Variants in NEFL observed in about 807,000 individuals in gnomAD.
NEFL encodes the protein neurofilament light polypeptide.
A neutral mutation model predicts 51.6 loss-of-function variants in NEFL; 36 were observed. That is an observed-to-expected ratio of 0.70 (90% confidence interval 0.53 to 0.92). The LOEUF (loss-of-function observed/expected upper bound fraction) is 0.92, where lower values mean the gene tolerates loss of function less well. Ranked by LOEUF, NEFL falls within the 40% of genes least tolerant of loss-of-function variation. NEFL has a pLI of 0.00. For synonymous variants in NEFL, 332 were observed against 302.5 expected, an observed-to-expected ratio of 1.10 and a Z score of -1.01; for missense variants, 671 against 722.0, an observed-to-expected ratio of 0.93 and a Z score of 0.81.
At position 24,956,127 on chromosome 8, in the gene NEFL, G is replaced by T; in HGVS notation, c.389C>A (p.Ser130Tyr). 1.2e-6 allele frequency: 2 copies of T among 1,608,834 alleles called. No homozygotes were observed. The highest frequency in any genetic ancestry group is 1.7e-5 in the Admixed American group (1 of 59,714). Residue 130 changes from serine (S) to tyrosine (Y), a missense_variant, in exon 1 of 4, where the codon TCC (serine) becomes TAC (tyrosine). Ser to Tyr is a moderately radical substitution (Grantham distance 144). Coordinates refer to ENST00000610854, the MANE Select transcript of NEFL (RefSeq NM_006158.5). The surrounding 1 kb of genome is among the most constrained non-coding windows in gnomAD (Gnocchi z 5.9). The stretch of plus-strand genomic sequence containing the variant: ...CAGCGCCCGGAAGCGGGATGGCTCG[G>T]AGTGCTTCTGGCGCAGCACCAGCAG... ...AELLVLRQKH[S>Y]EPSRFRALYE...
At position 24,951,517 on chromosome 8, in the gene NEFL, T is replaced by C. The variant is rs573350915; in HGVS notation, c.*1293A>G. On this transcript the variant is annotated 3_prime_UTR_variant, in exon 4 of 4. Transcript: ENST00000610854. ...TACATGGGGCGTGTATTTGATGCAA[T>C]GTCCAACCAGTCAAGCTATCATTGA... 67 of 152,336 alleles carry C rather than the reference T, an allele frequency of 4.4e-4. 1 individual carries two copies. Among genetic ancestry groups the C allele is most frequent in the African/African-American group, 1.6e-3 (65 of 41,562 alleles). The allele number at this position is 152,336 out of a possible 1,614,324, so 9.4% of individuals were successfully genotyped here. A position where few individuals can be genotyped will look rare whatever the true frequency, so the allele number is the denominator to read the frequency against.
chr8:24,955,872 C>A lies in NEFL; in HGVS notation c.644G>T (p.Ser215Ile). The change falls in exon 1 of 4, where the codon AGC becomes ATC. Residue 215 changes from serine (S) to isoleucine (I), a missense_variant. Coordinates refer to ENST00000610854, the MANE Select transcript of NEFL (RefSeq NM_006158.5). This position sits in a 1 kb window ranked among gnomAD's most constrained non-coding sequence, Gnocchi z 4.0. The stretch of plus-strand genomic sequence containing the variant: ...CAGAAAAGAGATTTCGTCCATCAAG[C>A]TGTCGATGCGCTTCTCGAGCTCGGC... ...ARAELEKRID[S>I]LMDEISFLKK... The A allele has an allele frequency of 6.2e-7, 1 of 1,608,388 alleles. No homozygotes were observed. Among genetic ancestry groups the A allele is most frequent in the Non-Finnish European group, 8.5e-7 (1 of 1,179,866 alleles).
chr8:24,956,029 C>T lies in NEFL; in HGVS notation c.487G>A (p.Glu163Lys), dbSNP rs876661155. 4 of 1,603,914 alleles carry T rather than the reference C, an allele frequency of 2.5e-6. No homozygotes were observed. The highest frequency in any genetic ancestry group is 1.3e-5 in the African/African-American group (1 of 74,848). The part of the protein sequence containing the change: ...ATNEKQALQG[E>K]REGLEETLRN... ...AGGGTCTCCTCCAGCCCTTCGCGCT[C>T]GCCCTGGAGCGCCTGCTTCTCGTTG... The change falls in exon 1 of 4, where the codon GAG becomes AAG. Residue 163 changes from glutamate to lysine, a missense_variant. Glu to Lys is a moderately conservative substitution (Grantham distance 56). Transcript: ENST00000610854. The surrounding 1 kb of genome is among the most constrained non-coding windows in gnomAD (Gnocchi z 5.9).
rs922605864 is a variant in NEFL at position 24,956,329 on chromosome 8, A to C, written c.187T>G (p.Ser63Ala). 1 of 1,610,284 alleles carries C rather than the reference A, an allele frequency of 6.2e-7. No homozygotes were observed. The highest frequency in any genetic ancestry group is 8.5e-7 in the Non-Finnish European group (1 of 1,178,472). ...AGGTTCTCCAGACTGGGCATCAACG[A>C]TCCAGAGCTGGAGGAGTAGCTGCGG... ...VRRSYSSSSG[S>A]LMPSLENLDL... Residue 63 changes from serine to alanine, a missense_variant, in exon 1 of 4, where the codon TCG becomes GCG. Ser to Ala is a moderately conservative substitution (Grantham distance 99). Coordinates refer to ENST00000610854, the MANE Select transcript of NEFL (RefSeq NM_006158.5). This position sits in a 1 kb window ranked among gnomAD's most constrained non-coding sequence, Gnocchi z 5.9.
In NEFL at chr8:24,955,180, G is replaced by A. The variant is rs1210711337; in HGVS notation, c.1044+292C>T. On this transcript the variant is annotated intron_variant, in intron 1 of 3. Coordinates refer to ENST00000610854, the MANE Select transcript of NEFL (RefSeq NM_006158.5). The surrounding 1 kb of genome is among the most constrained non-coding windows in gnomAD (Gnocchi z 4.0). Reference sequence around the variant, plus strand: ...TCAGTAGAGAGCTGATCTCACTGCAGGCCGGAGGCAACGCCCAATTCCCAC... The same window carrying A: ...TCAGTAGAGAGCTGATCTCACTGCAAGCCGGAGGCAACGCCCAATTCCCAC... 2.0e-6 allele frequency: 1 copy of A among 504,790 alleles called. No individual in the cohort carries two copies. Among genetic ancestry groups the A allele is most frequent in the East Asian group, 3.3e-5 (1 of 30,136 alleles). The allele number at this position is 504,790 out of a possible 1,614,324, so 31.3% of individuals were successfully genotyped here. A position where few individuals can be genotyped will look rare whatever the true frequency, so the allele number is the denominator to read the frequency against.
chr8:24,953,996 A>C, intron 2 of NEFL, 185 bp downstream of exon 2: 1 of 1,157,280 alleles, frequency 8.6e-7, no homozygotes, highest in Non-Finnish European at 1.2e-6. Context: ...TAAAAACAGG[A>C]CTCCTAATTA....
chr8:24,956,273 G>T lies in NEFL; in HGVS notation c.243C>A (p.Asn81Lys), dbSNP rs761847300. The change falls in exon 1 of 4, where the codon AAC (asparagine) becomes AAA (lysine). Residue 81 changes from asparagine to lysine, a missense_variant. Coordinates refer to ENST00000610854, the MANE Select transcript of NEFL (RefSeq NM_006158.5). This position sits in a 1 kb window ranked among gnomAD's most constrained non-coding sequence, Gnocchi z 5.9. ...CCTGCGTGCGGATGGACTTGAGGTC[G>T]TTGCTGATGGCGGCTACCTGGCTCA... is the stretch of plus-strand genomic sequence containing the variant. ...LDLSQVAAIS[N>K]DLKSIRTQEK... 1.2e-6 allele frequency: 2 copies of T among 1,611,866 alleles called. No individual in the cohort carries two copies. The highest frequency in any genetic ancestry group is 8.5e-7 in the Non-Finnish European group (1 of 1,179,152).
At position 24,952,301 on chromosome 8, in the gene NEFL, T is replaced by C. The variant is rs911970527; in HGVS notation, c.*509A>G. On this transcript the variant is annotated 3_prime_UTR_variant, in exon 4 of 4. Transcript: ENST00000610854. ...AACTTTTTAAAAAATTGGAGGTCAA[T>C]AGTCCACTGGTATATACTTTATATT... 6.5e-6 allele frequency: 1 copy of C among 152,782 alleles called. No individual in the cohort carries two copies. Among genetic ancestry groups the C allele is most frequent in the African/African-American group, 2.4e-5 (1 of 41,468 alleles). 9.5% of individuals were successfully genotyped at this position (152,782 alleles called of 1,614,324 possible).
In NEFL at chr8:24,956,018, C is replaced by T. The variant is rs751333871; in HGVS notation, c.498G>A (p.Gly166=). ...GCAGGTTGCGCAGGGTCTCCTCCAG[C>T]CCTTCGCGCTCGCCCTGGAGCGCCT... ...EKQALQGERE[G]LEETLRNLQA... The change falls in exon 1 of 4, where the codon GGG becomes GGA. Residue 166 remains glycine, a synonymous_variant. Coordinates refer to ENST00000610854, the MANE Select transcript of NEFL (RefSeq NM_006158.5). The surrounding 1 kb of genome is among the most constrained non-coding windows in gnomAD (Gnocchi z 5.9). 6.2e-7 allele frequency: 1 copy of T among 1,604,908 alleles called. No individual in the cohort carries two copies. Among genetic ancestry groups the T allele is most frequent in the South Asian group, 1.1e-5 (1 of 90,818 alleles).
Position 24,956,099 on chromosome 8 carries a change from G to T in NEFL, c.417C>A (p.Tyr139Ter), listed in dbSNP as rs545637885. The stretch of plus-strand genomic sequence containing the variant: ...GGCGCAGGTCGCGGATCTCCTGCTC[G>T]TACAGCGCCCGGAAGCGGGATGGCT... ...HSEPSRFRAL[Y>*]EQEIRDLRLA... Residue 139 changes from tyrosine to a stop codon, truncating the protein, a stop_gained, in exon 1 of 4, where the codon TAC becomes TAA. Transcript: ENST00000610854. LOFTEE classifies it high-confidence loss of function. The surrounding 1 kb of genome is among the most constrained non-coding windows in gnomAD (Gnocchi z 5.9). The T allele has an allele frequency of 1.2e-6, 2 of 1,606,426 alleles. No homozygotes were observed. The highest frequency in any genetic ancestry group is 1.7e-6 in the Non-Finnish European group (2 of 1,178,736).
rs1803042195 is a variant in NEFL at position 24,955,838 on chromosome 8, C to A, written c.678G>T (p.Val226=). The change falls in exon 1 of 4, where the codon GTG becomes GTT. Residue 226 remains valine (V), a synonymous_variant. Coordinates refer to ENST00000610854, the MANE Select transcript of NEFL (RefSeq NM_006158.5). This position sits in a 1 kb window ranked among gnomAD's most constrained non-coding sequence, Gnocchi z 4.0. ...GCAGTTCGGCGATCTCCTCTTCGTG[C>A]ACTTTCTTCAGAAAAGAGATTTCGT... ...LMDEISFLKK[V]HEEEIAELQA... is the part of the protein sequence containing the mutation. 3.7e-6 allele frequency: 6 copies of A among 1,610,926 alleles called. No homozygotes were observed. Among genetic ancestry groups the A allele is most frequent in the Non-Finnish European group, 4.2e-6 (5 of 1,179,862 alleles).
At chr8:24,954,102 T>G in intron 2 of NEFL, 79 bp downstream of exon 2, 1 of 1,580,742 alleles carries the variant, frequency 6.3e-7, no homozygotes, top group Non-Finnish European at 8.6e-7. Flanking sequence ...TGAAGGTTTC[T>G]GATCCAACAT....
chr8:24,956,156 G>C lies in NEFL; in HGVS notation c.360C>G (p.Ala120=). 6.2e-7 allele frequency: 1 copy of C among 1,609,850 alleles called. No homozygotes were observed. The highest frequency in any genetic ancestry group is 8.5e-7 in the Non-Finnish European group (1 of 1,178,692). Residue 120 remains alanine, a synonymous_variant, in exon 1 of 4, where the codon GCC becomes GCG. Transcript: ENST00000610854. This position sits in a 1 kb window ranked among gnomAD's most constrained non-coding sequence, Gnocchi z 5.9. ...ELEQQNKVLE[A]ELLVLRQKHS... ...GCTTCTGGCGCAGCACCAGCAGCTC[G>C]GCTTCCAGGACCTTGTTCTGCTGCT...
Position 24,953,769 on chromosome 8 carries a change from C to T in NEFL, c.1196G>A (p.Arg399Gln), listed in dbSNP as rs372997416. ...GCTTCCCACGCTGGTGAAACTGAGT[C>T]GGGTCTCCTCGCCTTCCAAGAGTTT... ...YRKLLEGEETRLSFTSVGSIT... is the reference protein window; with the variant it reads ...YRKLLEGEETQLSFTSVGSIT... The change falls in exon 3 of 4, where the codon CGA (arginine) becomes CAA (glutamine). Residue 399 changes from arginine to glutamine, a missense_variant. Transcript: ENST00000610854. 15 of 1,612,468 alleles carry T rather than the reference C, an allele frequency of 9.3e-6. No homozygotes were observed. The highest frequency in any genetic ancestry group is 6.7e-5 in the Admixed American group (4 of 59,944).
At position 24,955,987 on chromosome 8, in the gene NEFL, G is replaced by A. The variant is rs1224508886; in HGVS notation, c.529C>T (p.Arg177Cys). Residue 177 changes from arginine (R) to cysteine (C), a missense_variant, in exon 1 of 4, where the codon CGC becomes TGC. Transcript: ENST00000610854. This position sits in a 1 kb window ranked among gnomAD's most constrained non-coding sequence, Gnocchi z 4.0. Reference protein sequence around the residue: ...LEETLRNLQARYEEEVLSRED... With the variant: ...LEETLRNLQACYEEEVLSRED... The stretch of plus-strand genomic sequence containing the variant: ...CGGCTCAGCACCTCCTCTTCATAGC[G>A]CGCCTGCAGGTTGCGCAGGGTCTCC... The A allele has an allele frequency of 5.0e-6, 8 of 1,603,354 alleles. No homozygotes were observed. Among genetic ancestry groups the A allele is most frequent in the Non-Finnish European group, 5.9e-6 (7 of 1,179,040 alleles).
rs4644268 is a variant in NEFL, at chr8:24,951,612, C to A, written c.*1198G>T. 496 of 152,586 alleles carry A rather than the reference C, an allele frequency of 3.3e-3. 2 individuals carry two copies. The highest frequency in any genetic ancestry group is 0.011 in the African/African-American group (462 of 41,506). 9.5% of individuals were successfully genotyped at this position (152,586 alleles called of 1,614,324 possible). A position where few individuals can be genotyped will look rare whatever the true frequency, so the allele number is the denominator to read the frequency against. ...TAACATACAAGCATATTACCTCCCCCCTTAAGTGACTCATAATTTCATTAC... is the reference window on the plus strand; with the variant it reads ...TAACATACAAGCATATTACCTCCCCACTTAAGTGACTCATAATTTCATTAC... On this transcript the variant is annotated 3_prime_UTR_variant, in exon 4 of 4. Transcript: ENST00000610854.
Position 24,952,866 on chromosome 8 carries a change from C to G in NEFL, c.1576G>C (p.Glu526Gln), listed in dbSNP as rs546077415. Residue 526 changes from glutamate (E) to glutamine (Q), a missense_variant, in exon 4 of 4, where the codon GAG (glutamate) becomes CAG (glutamine). Transcript: ENST00000610854. ...EGEETKEAEE[E>Q]EKKVEGAGEE... ...CCAGCACCTTCAACTTTCTTCTCCTCCTCTTCAGCTTCTTTGGTTTCCTCT... is the reference window on the plus strand; with the variant it reads ...CCAGCACCTTCAACTTTCTTCTCCTGCTCTTCAGCTTCTTTGGTTTCCTCT... The G allele has an allele frequency of 2.5e-6, 4 of 1,610,466 alleles. No individual in the cohort carries two copies. The highest frequency in any genetic ancestry group is 3.4e-6 in the Non-Finnish European group (4 of 1,176,814).
In NEFL at chr8:24,953,772, G is replaced by T. The variant is rs1586126731; in HGVS notation, c.1193C>A (p.Thr398Asn). The T allele has an allele frequency of 1.2e-6, 2 of 1,612,552 alleles. No individual in the cohort carries two copies. Among genetic ancestry groups the T allele is most frequent in the Non-Finnish European group, 1.7e-6 (2 of 1,178,928 alleles). Reference protein sequence around the residue: ...AYRKLLEGEETRLSFTSVGSI... With the variant: ...AYRKLLEGEENRLSFTSVGSI... ...TCCCACGCTGGTGAAACTGAGTCGG[G>T]TCTCCTCGCCTTCCAAGAGTTTCCT... The change falls in exon 3 of 4, where the codon ACC (threonine) becomes AAC (asparagine). Residue 398 changes from threonine (T) to asparagine (N), a missense_variant. Coordinates refer to ENST00000610854, the MANE Select transcript of NEFL (RefSeq NM_006158.5).
chr8:24,956,022 T>G lies in NEFL; in HGVS notation c.494A>C (p.Glu165Ala), dbSNP rs767767512. ...GTTGCGCAGGGTCTCCTCCAGCCCT[T>G]CGCGCTCGCCCTGGAGCGCCTGCTT... Reference protein sequence around the residue: ...NEKQALQGEREGLEETLRNLQ... With the variant: ...NEKQALQGERAGLEETLRNLQ... Residue 165 changes from glutamate (E) to alanine (A), a missense_variant, in exon 1 of 4, where the codon GAA becomes GCA. By Grantham distance (107) the Glu-to-Ala change is moderately radical (BLOSUM62 -1). Coordinates refer to ENST00000610854, the MANE Select transcript of NEFL (RefSeq NM_006158.5). This position sits in a 1 kb window ranked among gnomAD's most constrained non-coding sequence, Gnocchi z 5.9. 6.9e-6 allele frequency: 11 copies of G among 1,604,742 alleles called. No homozygotes were observed. In the Admixed American group the frequency reaches 1.8e-4, roughly 27 times the overall value.
Sources: gnomAD v4.1 joint callset for allele counts on GRCh38, gnomAD v4.1.1 for gene constraint, Gnocchi (gnomAD v3.1) non-coding constraint, MANE v1.5 for transcripts, NCBI Gene and HGNC (gene_info 2026-07-23, HGNC 2026-07-21) for gene names.